The following LEPR variants were observed in gnomAD, a reference collection of about 807,000 sequenced individuals.
LEPR encodes the protein leptin receptor.
In LEPR, 56 loss-of-function variants were observed where a neutral mutation model predicts 114.7. The observed-to-expected ratio is 0.49, with a 90% CI of 0.39 to 0.61. The LOEUF is 0.61. Among genes scored for constraint, LEPR ranks in the 20% least tolerant of loss-of-function variants. The pLI is 0.00. For missense variants in LEPR, 1,202 were observed against 1,352.9 expected (o/e 0.89, Z 1.75); for synonymous variants, 443 against 461.4 (o/e 0.96, Z 0.51).
chr1:65,570,404 G>A lies in LEPR; in HGVS notation c.41-69G>A, dbSNP rs1315219242. ...TTGAGCACTACATGGTTTAATCTCA[G>A]ATACTTTCTATTCATGTCTTAGTCA... On this transcript the variant is annotated intron_variant, in intron 3 of 19. Transcript: ENST00000349533. 2.0e-6 allele frequency: 3 copies of A among 1,466,754 alleles called. No homozygotes were observed. The South Asian group carries it at 3.6e-5, about 18-fold the overall frequency. The allele number at this position is 1,466,754 out of a possible 1,614,324, so 90.9% of individuals were successfully genotyped here. A position where few individuals can be genotyped will look rare whatever the true frequency, so the allele number is the denominator to read the frequency against.
intron 2 of LEPR, among the ~76,000 whole-genome samples, chr1:65,479,979 G>A (rs1317654853): frequency 6.6e-6 from 1 of 152,150 alleles, no homozygotes; most frequent in African/African-American, 2.4e-5. Flanking sequence ...AACGTGAAAC[G>A]TGTTAACCCA....
chr1:65,549,927 T>C (rs986993361), intron 2 of LEPR, among the ~76,000 whole-genome samples: 3 of 152,184 alleles, frequency 2.0e-5, no homozygotes, highest in Non-Finnish European at 4.4e-5. Flanking sequence ...CTCTGTTTTT[T>C]CCCCATCTTT....
At chr1:65,439,608 G>A (rs1003167660) in intron 2 of LEPR, among the ~76,000 whole-genome samples, 3 of 152,074 alleles carry the variant, frequency 2.0e-5, no homozygotes, top group African/African-American at 7.2e-5. Flanking sequence ...TCTGAGGTCA[G>A]GAGTTCAAGA....
intron 11 of LEPR, among the ~76,000 whole-genome samples, 155 bp from the exon 12 acceptor site, chr1:65,608,598 A>G (rs138475941): frequency 1.3e-5 from 2 of 152,334 alleles, no homozygotes; most frequent in East Asian, 1.9e-4. Context: ...AATATATCAC[A>G]TAAAGTAATA....
At chr1:65,435,294 A>G in intron 2 of LEPR, 2 of 984,724 alleles carry the variant, frequency 2.0e-6, no homozygotes, top group Non-Finnish European at 1.2e-6. Flanking sequence ...GAAATAGTTC[A>G]TTATGTTAAT....
chr1:65,512,989 A>G (rs550949769), intron 2 of LEPR, among the ~76,000 whole-genome samples: 1 of 152,294 alleles, frequency 6.6e-6, no homozygotes, highest in East Asian at 1.9e-4. Flanking sequence ...AACTGCATAT[A>G]TTCACCATCT....
chr1:65,621,480 A>G (rs1450607701), intron 18 of LEPR, 22 bp downstream of exon 18: 1 of 1,599,202 alleles, frequency 6.3e-7, no homozygotes, highest in Non-Finnish European at 8.6e-7. Context: ...GAGGTTAAGA[A>G]TCTTTACGGC....
intron 2 of LEPR, chr1:65,433,831 A>G (rs1646521395): frequency 1.0e-6 from 1 of 984,642 alleles, no homozygotes; most frequent in Non-Finnish European, 1.2e-6. Context: ...TTTTTTTGTG[A>G]TGTTGCCTTG....
At chr1:65,630,943 G>A (rs190642006) in intron 19 of LEPR, among the ~76,000 whole-genome samples, 3 of 151,854 alleles carry the variant, frequency 2.0e-5, no homozygotes, top group East Asian at 1.9e-4. Flanking sequence ...CTTCTAGGTC[G>A]TGTGTTCCTG....
chr1:65,567,075 A>C (rs993538392), intron 3 of LEPR, among the ~76,000 whole-genome samples: 7 of 152,174 alleles, frequency 4.6e-5, no homozygotes, highest in Non-Finnish European at 8.8e-5. Context: ...TTTTTGAATC[A>C]AAAGAATTCC....
At chr1:65,502,327 G>C (rs570224443) in intron 2 of LEPR, among the ~76,000 whole-genome samples, 1 of 152,234 alleles carries the variant, frequency 6.6e-6, no homozygotes, top group South Asian at 2.1e-4. Context: ...GTAAACCAAG[G>C]AGAGAGGTTT....
At chr1:65,432,988 T>TG (rs1646508149) in intron 2 of LEPR, 2 of 985,022 alleles carry the variant, frequency 2.0e-6, no homozygotes, top group Admixed American at 1.2e-4. Context: ...AACATCTCAG[T>TG]GGGGAACAGA....
intron 2 of LEPR, among the ~76,000 whole-genome samples, chr1:65,442,998 C>G (rs1274410879): frequency 6.6e-6 from 1 of 152,116 alleles, no homozygotes; most frequent in East Asian, 1.9e-4. Context: ...AATAGACATG[C>G]AAAAATTAAT....
At chr1:65,495,833 T>C (rs1648128001) in intron 2 of LEPR, among the ~76,000 whole-genome samples, 2 of 152,184 alleles carry the variant, frequency 1.3e-5, no homozygotes, top group Admixed American at 1.3e-4. Flanking sequence ...CTCACTCATA[T>C]ATGGTAGCTA....
At chr1:65,622,678 C>T (rs1657959159) in intron 18 of LEPR, among the ~76,000 whole-genome samples, 2 of 152,182 alleles carry the variant, frequency 1.3e-5, no homozygotes, top group African/African-American at 2.4e-5. Flanking sequence ...GCTTGGCACA[C>T]AGCTTTCAAT....
chr1:65,527,103 G>C (rs978236535), intron 2 of LEPR, among the ~76,000 whole-genome samples: 1 of 152,182 alleles, frequency 6.6e-6, no homozygotes, highest in Admixed American at 6.5e-5. Flanking sequence ...TTCTCTTTAA[G>C]TATTGTACAT....
intron 5 of LEPR, among the ~76,000 whole-genome samples, chr1:65,579,969 G>A (rs1192190187): frequency 6.6e-6 from 1 of 152,120 alleles, no homozygotes; most frequent in Non-Finnish European, 1.5e-5. Flanking sequence ...AAATTAGGTA[G>A]ATTTTCAAAC....
At chr1:65,547,192 T>C (rs1651820127) in intron 2 of LEPR, among the ~76,000 whole-genome samples, 1 of 152,046 alleles carries the variant, frequency 6.6e-6, no homozygotes, top group Non-Finnish European at 1.5e-5. Flanking sequence ...TTTGATGTGC[T>C]GCTGGATTCG....
chr1:65,506,017 A>G (rs1224144229), intron 2 of LEPR, among the ~76,000 whole-genome samples: 1 of 152,188 alleles, frequency 6.6e-6, no homozygotes, highest in African/African-American at 2.4e-5. Context: ...ATTTTCCCTA[A>G]GGCCTTATTT....
Sources: allele counts gnomAD v4.1 joint callset (sites outside exome capture counted in the v4.1 genomes callset), GRCh38; gene constraint gnomAD v4.1.1; transcripts MANE v1.5; gene names NCBI Gene and HGNC (gene_info 2026-07-23, HGNC 2026-07-21).